Variants in SPATA22 observed in about 807,000 individuals in gnomAD.
The protein encoded by SPATA22 is spermatogenesis associated 22.
SPATA22 carries 29 observed loss-of-function variants against 47.8 expected under a neutral mutation model. The ratio of observed to expected loss-of-function variants is 0.61; its 90% CI spans 0.45 to 0.83. SPATA22 has a LOEUF of 0.83. Among genes scored for constraint, SPATA22 ranks in the 40% least tolerant of loss-of-function variants. The probability of loss-of-function intolerance (pLI) is 0.00; values close to 1 mark genes in which losing one functional copy is unlikely to be tolerated. For synonymous variants in SPATA22, 133 were observed against 140.9 expected (o/e 0.94, Z 0.40); for missense variants, 410 against 421.7 (o/e 0.97, Z 0.24).
Position 3,440,332 on chromosome 17 carries a change from C to G in SPATA22, c.907G>C (p.Glu303Gln). The G allele has an allele frequency of 1.3e-6, 2 of 1,493,746 alleles. No individual in the cohort carries two copies. The highest frequency in any genetic ancestry group is 1.8e-6 in the Non-Finnish European group (2 of 1,116,912). 92.5% of individuals were successfully genotyped at this position (1,493,746 alleles called of 1,614,324 possible). A position where few individuals can be genotyped will look rare whatever the true frequency, so the allele number is the denominator to read the frequency against. Residue 303 changes from glutamate (E) to glutamine (Q), a missense_variant, in exon 9 of 9, where the codon GAA becomes CAA. Coordinates refer to ENST00000572969, the MANE Select transcript of SPATA22 (RefSeq NM_001170698.2). ...LPCVFYEIDR[E>Q]LPRLIRGRVH... The stretch of plus-strand genomic sequence containing the variant: ...CGGCCTCTAATCAGTCTCGGAAGTT[C>G]ACGATCCTGTTTTTCAAAAAATAAG...
chr17:3,506,990 G>GGAAA (rs959054269), intron 1 of SPATA22, among the ~76,000 whole-genome samples: 24 of 146,108 alleles, frequency 1.6e-4, no homozygotes, highest in African/African-American at 5.5e-4. Flanking sequence ...GAAAAGAGAA[G>GGAAA]GAAGGGAGGG....
chr17:3,494,337 G>T, intron 1 of SPATA22: 1 of 1,579,858 alleles, frequency 6.3e-7, no homozygotes, highest in Non-Finnish European at 8.7e-7. Context: ...GATACATATT[G>T]TTTTTGTCAT....
chr17:3,453,188 C>G (rs2072903826), intron 5 of SPATA22, among the ~76,000 whole-genome samples: 1 of 152,204 alleles, frequency 6.6e-6, no homozygotes, highest in Non-Finnish European at 1.5e-5. Flanking sequence ...ACTCTGTTCA[C>G]TTCATGGGTG....
chr17:3,495,102 A>G (rs1189748974), intron 1 of SPATA22, among the ~76,000 whole-genome samples: 1 of 152,090 alleles, frequency 6.6e-6, no homozygotes, highest in African/African-American at 2.4e-5. Flanking sequence ...GAAAAAAAAA[A>G]GGCTCTTGAG....
At chr17:3,498,092 T>C (rs1210697487) in intron 1 of SPATA22, among the ~76,000 whole-genome samples, 1 of 152,168 alleles carries the variant, frequency 6.6e-6, no homozygotes. Context: ...CACCACCTTC[T>C]CTCACCAATC....
At chr17:3,491,275 T>C (rs1304849305) in intron 1 of SPATA22, among the ~76,000 whole-genome samples, 1 of 152,230 alleles carries the variant, frequency 6.6e-6, no homozygotes, top group Non-Finnish European at 1.5e-5. Context: ...AGTTTTGTTC[T>C]TATGTTTAAA....
chr17:3,509,293 C>T, intron 1 of SPATA22, among the ~76,000 whole-genome samples: 1 of 151,010 alleles, frequency 6.6e-6, no homozygotes, highest in East Asian at 2.0e-4. Context: ...ACCTATTGAT[C>T]CATCCTCTAA....
At chr17:3,458,878 A>AAAAAAAAAAAAAAAAAC in intron 5 of SPATA22, among the ~76,000 whole-genome samples, 1 of 150,268 alleles carries the variant, frequency 6.7e-6, no homozygotes. Flanking sequence ...AAAAAAAAAA[A>AAAAAAAAAAAAAAAAAC]AATTCCAAGA....
chr17:3,481,726 T>C (rs745636571), intron 1 of SPATA22: 2 of 1,613,764 alleles, frequency 1.2e-6, no homozygotes, highest in South Asian at 2.2e-5. Flanking sequence ...ACACCACCTC[T>C]AACATGGGGT....
rs1328744731 is a variant in SPATA22, at chr17:3,449,145, T to C, written c.334A>G (p.Arg112Gly). 3 of 1,589,596 alleles carry C rather than the reference T, an allele frequency of 1.9e-6. No homozygotes were observed. Among genetic ancestry groups the C allele is most frequent in the South Asian group, 1.1e-5 (1 of 87,104 alleles). Residue 112 changes from arginine (R) to glycine (G), a missense_variant, in exon 6 of 9, where the codon AGA becomes GGA. Transcript: ENST00000572969. ...AAGCTGGTATTTTTGTTACCATCTC[T>C]GTAGCTGTAATAGTGCAAAAAAAAA... ...TGRSQGGWSYRDGNKNTSLKT... is the reference protein window; with the variant it reads ...TGRSQGGWSYGDGNKNTSLKT...
intron 1 of SPATA22, among the ~76,000 whole-genome samples, chr17:3,483,107 A>T (rs377609813): frequency 1.3e-5 from 2 of 152,208 alleles, no homozygotes; most frequent in African/African-American, 2.4e-5. Context: ...ATCTGTAGAG[A>T]GCTGGACCAC....
intron 3 of SPATA22, among the ~76,000 whole-genome samples, chr17:3,465,069 G>A (rs2073260240): frequency 1.0e-5 from 1 of 98,098 alleles, no homozygotes; most frequent in African/African-American, 3.8e-5. Context: ...AGGGAGGTGG[G>A]GGGTCAGCCC....
At chr17:3,462,105 C>G (rs2150722106) in intron 5 of SPATA22, among the ~76,000 whole-genome samples, 1 of 152,236 alleles carries the variant, frequency 6.6e-6, no homozygotes, top group East Asian at 1.9e-4. Context: ...TAAGACTGAG[C>G]ACTCTAATTG....
intron 5 of SPATA22, among the ~76,000 whole-genome samples, chr17:3,461,918 A>G (rs544716262): frequency 1.3e-5 from 2 of 152,144 alleles, no homozygotes; most frequent in East Asian, 1.9e-4. Flanking sequence ...TTTTCTATCA[A>G]TTTTTTCATA....
intron 5 of SPATA22, among the ~76,000 whole-genome samples, chr17:3,454,860 T>G (rs2072948821): frequency 6.6e-6 from 1 of 152,180 alleles, no homozygotes; most frequent in Non-Finnish European, 1.5e-5. Context: ...TTCTAGATCC[T>G]TGAGGAATCG....
chr17:3,474,547 C>T (rs1283644478), upstream of SPATA22, among the ~76,000 whole-genome samples: 1 of 152,164 alleles, frequency 6.6e-6, no homozygotes, highest in Non-Finnish European at 1.5e-5. Context: ...GTTCAGTGTA[C>T]ATGGATGTGG....
Position 3,469,418 on chromosome 17 carries a change from T to G in SPATA22, c.-73-20A>C, listed in dbSNP as rs1456037844. 1.1e-6 allele frequency: 1 copy of G among 936,730 alleles called. No individual in the cohort carries two copies. The highest frequency in any genetic ancestry group is 1.6e-6 in the Non-Finnish European group (1 of 622,522). The allele number at this position is 936,730 out of a possible 1,614,324, so 58.0% of individuals were successfully genotyped here. On this transcript the variant is annotated intron_variant, in intron 1 of 8. Transcript: ENST00000572969. ...CTAGACCTGCAAAGAAAGAAACTTA[T>G]AACTCGTATTGTCTCAACTATAAAA...
At chr17:3,466,056 C>T (rs1242392463) in intron 3 of SPATA22, among the ~76,000 whole-genome samples, 2 of 151,534 alleles carry the variant, frequency 1.3e-5, no homozygotes, top group African/African-American at 2.4e-5. Flanking sequence ...GATTTTTATA[C>T]ACAAAAATTG....
intron 1 of SPATA22, among the ~76,000 whole-genome samples, chr17:3,478,487 T>A (rs894439712): frequency 6.6e-6 from 1 of 152,212 alleles, no homozygotes; most frequent in Admixed American, 6.5e-5. Context: ...AATTCATGCT[T>A]ATCTATTGAC....
Sources: gnomAD v4.1 joint callset for allele counts (sites outside exome capture counted in the v4.1 genomes callset) on GRCh38, gnomAD v4.1.1 for gene constraint, MANE v1.5 for transcripts, NCBI Gene and HGNC (gene_info 2026-07-23, HGNC 2026-07-21) for gene names.